GUSB: variants seen among roughly 807,000 people sequenced by gnomAD.
The protein encoded by GUSB is beta-glucuronidase.
A neutral mutation model predicts 74.6 loss-of-function variants in GUSB; 51 were observed. That is an observed-to-expected ratio of 0.68 (90% CI 0.55 to 0.86). The LOEUF (loss-of-function observed/expected upper bound fraction) is 0.86. Ranked by LOEUF, GUSB falls within the 40% of genes least tolerant of loss-of-function variation. The pLI is 0.00. For synonymous variants in GUSB, 360 were observed against 348.3 expected, an observed-to-expected ratio of 1.03 and a Z score of -0.37; for missense variants, 736 against 853.7, an observed-to-expected ratio of 0.86 and a Z score of 1.72.
chr7:65,975,359 G>T, intron 5 of GUSB: 2 of 451,108 alleles, frequency 4.4e-6, no homozygotes, highest in South Asian at 4.1e-5. Context: ...CCAGCCTGCT[G>T]ACAGACTGAG....
chr7:65,973,456 G>T (rs748433225), intron 8 of GUSB, among the ~76,000 whole-genome samples: 4 of 152,206 alleles, frequency 2.6e-5, no homozygotes, highest in Non-Finnish European at 4.4e-5. Flanking sequence ...GTATGTTGGC[G>T]TGTGCCTGTA....
rs1459611795 is a variant in GUSB at position 65,979,394 on chromosome 7, C to T, written c.724+5G>A. 6.2e-7 allele frequency: 1 copy of T among 1,613,266 alleles called. No individual in the cohort carries two copies. The highest frequency in any genetic ancestry group is 8.5e-7 in the Non-Finnish European group (1 of 1,179,682). ...CGCTGAGAGGATCCTACCAGAAGCC[C>T]TCACCACTGTCTTGCTCCACGCTGG... On this transcript the variant is annotated splice_donor_5th_base_variant and intron_variant, in intron 4 of 11. Transcript: ENST00000304895.
intron 1 of GUSB, chr7:65,980,756 G>T (rs78822350): frequency 2.6e-5 from 10 of 387,396 alleles, no homozygotes; most frequent in Non-Finnish European, 4.0e-5. Context: ...GGAGGAATGG[G>T]GGGAGCTTTG....
chr7:65,965,244 A>G (rs1388221231), intron 10 of GUSB, among the ~76,000 whole-genome samples: 5 of 152,172 alleles, frequency 3.3e-5, no homozygotes, highest in African/African-American at 1.2e-4. Flanking sequence ...AGTCTCTACA[A>G]AAAGTCAAAA....
intron 8 of GUSB, 34 bp from the exon 9 acceptor site, chr7:65,970,400 C>G (rs1384736654): frequency 6.9e-7 from 1 of 1,452,444 alleles, no homozygotes; most frequent in Non-Finnish European, 9.7e-7. Context: ...CAGGTTCCAT[C>G]AGTCCAGGAA....
intron 8 of GUSB, among the ~76,000 whole-genome samples, chr7:65,973,467 A>G (rs1791349044): frequency 6.6e-6 from 1 of 152,224 alleles, no homozygotes; most frequent in South Asian, 2.1e-4. Context: ...TGTGCCTGTA[A>G]TCCCAACTCC....
chr7:65,966,862 A>G (rs566949495), intron 10 of GUSB, among the ~76,000 whole-genome samples: 1 of 152,190 alleles, frequency 6.6e-6, no homozygotes, highest in Non-Finnish European at 1.5e-5. Context: ...CAGGAAGATC[A>G]ATTGAGTCCA....
chr7:65,967,919 G>A lies in GUSB; in HGVS notation c.1477-12C>T. ...TCCACATACGGAGCCTAGGACCAGA[G>A]CAGCAGAGCCCGTTCAGCACTCAGT... On this transcript the variant is annotated splice_polypyrimidine_tract_variant and intron_variant, in intron 9 of 11. Transcript: ENST00000304895. 3 of 1,598,356 alleles carry A rather than the reference G, an allele frequency of 1.9e-6. No individual in the cohort carries two copies. The highest frequency in any genetic ancestry group is 2.5e-6 in the Non-Finnish European group (3 of 1,178,574).
At chr7:65,970,843 C>T (rs1791157139) in intron 8 of GUSB, among the ~76,000 whole-genome samples, 1 of 151,834 alleles carries the variant, frequency 6.6e-6, no homozygotes, top group Non-Finnish European at 1.5e-5. Context: ...GGGCCAAGAT[C>T]ATGCCACTGC....
intron 1 of GUSB, 62 bp from the exon 2 acceptor site, chr7:65,980,471 T>C: frequency 6.9e-7 from 1 of 1,448,158 alleles, no homozygotes; most frequent in Non-Finnish European, 9.6e-7. Context: ...ACCAGTGTGC[T>C]GCACGGCTGT....
Position 65,979,783 on chromosome 7 carries a change from T to C in GUSB, c.525A>G (p.Thr175=), listed in dbSNP as rs1260639409. The C allele has an allele frequency of 5.0e-6, 8 of 1,612,816 alleles. No individual in the cohort carries two copies. Among genetic ancestry groups the C allele is most frequent in the Non-Finnish European group, 6.8e-6 (8 of 1,179,800 alleles). Reference sequence around the variant, plus strand: ...CTGGTGGCAGGGTGGTGGGGGTGAGTGTGTTGTTGATGGCGATAGTGATTC... The same window carrying C: ...CTGGTGGCAGGGTGGTGGGGGTGAGCGTGTTGTTGATGGCGATAGTGATTC... ...RLRITIAINN[T]LTPTTLPPGT... The change falls in exon 3 of 12, where the codon ACA becomes ACG. Residue 175 remains threonine (T), a synonymous_variant. Transcript: ENST00000304895.
intron 5 of GUSB, 186 bp from the exon 6 acceptor site, chr7:65,975,257 T>G: frequency 3.2e-6 from 2 of 619,230 alleles, no homozygotes; most frequent in Non-Finnish European, 5.8e-6. Context: ...AAACATGGCC[T>G]TCCCTTTGAC....
chr7:65,968,711 C>T (rs977841718), intron 9 of GUSB, among the ~76,000 whole-genome samples: 9 of 152,296 alleles, frequency 5.9e-5, no homozygotes, highest in Admixed American at 2.0e-4. Context: ...CTCAGTCTCC[C>T]GAGTAGCTAG....
At chr7:65,962,836 C>T (rs1406558549) in intron 11 of GUSB, among the ~76,000 whole-genome samples, 1 of 151,508 alleles carries the variant, frequency 6.6e-6, no homozygotes, top group Non-Finnish European at 1.5e-5. Context: ...AGCGCCACTG[C>T]ACTCCAGCCT....
Position 65,961,031 on chromosome 7 carries a change from TC to T in GUSB, c.1821del (p.Ile608SerfsTer32). 1 of 1,609,496 alleles carries T rather than the reference TC, an allele frequency of 6.2e-7. No homozygotes were observed. Among genetic ancestry groups the T allele is most frequent in the Non-Finnish European group, 8.5e-7 (1 of 1,179,058 alleles). ...TTTGGTTGTCTCTGCCGAGTGAAGA[TC>T]CCCTTTTTATTCCCCAGCACTCTCG... is the stretch of plus-strand genomic sequence containing the variant. ...SPTRVLGNKK[G>X]IFTRQRQPKS... On this transcript the variant is annotated frameshift_variant, in exon 12 of 12. Transcript: ENST00000304895. LOFTEE classifies it low-confidence loss of function (END_TRUNC).
At chr7:65,971,288 TG>T (rs1791191479) in intron 8 of GUSB, among the ~76,000 whole-genome samples, 1 of 152,088 alleles carries the variant, frequency 6.6e-6, no homozygotes, top group Non-Finnish European at 1.5e-5. Context: ...TCCTGGGCAG[TG>T]GGAGTGGAGA....
At chr7:65,962,662 C>T (rs756663160) in intron 11 of GUSB, among the ~76,000 whole-genome samples, 1 of 151,988 alleles carries the variant, frequency 6.6e-6, no homozygotes, top group African/African-American at 2.4e-5. Flanking sequence ...CACCTGAGGT[C>T]GGTAGTTCAA....
intron 10 of GUSB, among the ~76,000 whole-genome samples, chr7:65,966,158 G>GA (rs1381948720): frequency 6.6e-6 from 1 of 150,844 alleles, no homozygotes; most frequent in Non-Finnish European, 1.5e-5. Flanking sequence ...CAACGAGAGC[G>GA]AAACTCTGTG....
At chr7:65,966,577 A>C (rs1194450285) in intron 10 of GUSB, among the ~76,000 whole-genome samples, 1 of 152,096 alleles carries the variant, frequency 6.6e-6, no homozygotes, top group Admixed American at 6.6e-5. Context: ...ACAATCACGT[A>C]AGGCCAGGAG....
Sources: gnomAD v4.1 joint callset for allele counts (sites outside exome capture counted in the v4.1 genomes callset) on GRCh38, gnomAD v4.1.1 for gene constraint, MANE v1.5 for transcripts, NCBI Gene and HGNC (gene_info 2026-07-23, HGNC 2026-07-21) for gene names.